The following SNX25 variants were observed in gnomAD, a reference collection of about 807,000 sequenced individuals.
The protein encoded by SNX25 is sorting nexin 25, also known as sorting nexin-25.
Under a neutral mutation model 113.7 loss-of-function variants are expected in SNX25, and 62 were observed. The observed-to-expected ratio is 0.55, with a 90% confidence interval of 0.44 to 0.67. The LOEUF is 0.67. Ranked by LOEUF, SNX25 falls within the 30% of genes least tolerant of loss-of-function variation. The pLI, the probability that SNX25 is intolerant of heterozygous loss-of-function variation, is 0.00. For synonymous variants in SNX25, 421 were observed against 436.2 expected (o/e 0.97, Z 0.43); for missense variants, 1,014 against 1,161.0 (o/e 0.87, Z 1.84).
At chr4:185,219,055 AAGCACTGGAG>A (rs1302089484) in intron 1 of SNX25, among the ~76,000 whole-genome samples, 1 of 152,078 alleles carries the variant, frequency 6.6e-6, no homozygotes, top group Non-Finnish European at 1.5e-5. Context: ...GGTGCTTGCA[AAGCACTGGAG>A]AGAGGTCCCT....
At chr4:185,370,926 T>C (rs2095412616), downstream of SNX25, 2 of 1,172,956 alleles carry the variant, frequency 1.7e-6, no homozygotes, top group African/African-American at 3.0e-5. Context: ...CTCTACTGCT[T>C]TGAGAACTAA....
intron 6 of SNX25, among the ~76,000 whole-genome samples, chr4:185,309,503 A>G (rs1754942802): frequency 6.6e-6 from 1 of 152,132 alleles, no homozygotes; most frequent in Non-Finnish European, 1.5e-5. Flanking sequence ...TCTTCCACAA[A>G]CCTGCTTTTT....
upstream of SNX25, among the ~76,000 whole-genome samples, chr4:185,206,324 TGTGCGCCTCTG>T (rs1737185580): frequency 6.6e-6 from 1 of 152,196 alleles, no homozygotes. Context: ...GCCCATGACT[TGTGCGCCTCTG>T]GTCCACATAA....
chr4:185,258,880 T>C lies in SNX25; in HGVS notation c.547T>C (p.Ser183Pro), dbSNP rs750181607. 1.2e-6 allele frequency: 2 copies of C among 1,613,916 alleles called. No homozygotes were observed. Among genetic ancestry groups the C allele is most frequent in the African/African-American group, 1.3e-5 (1 of 74,936 alleles). The change falls in exon 3 of 19, where the codon TCC becomes CCC. Residue 183 changes from serine (S) to proline (P), a missense_variant. Coordinates refer to ENST00000652585, the MANE Select transcript of SNX25 (RefSeq NM_001378034.2). ...CTACAGTTATAGAGATTACATTCTG[T>C]CCTGGTATGGAAACCTCAGCAGAGA... ...FDYSYRDYIL[S>P]WYGNLSRDEG... is the part of the protein sequence containing the mutation.
chr4:185,282,701 TG>T (rs1281192204), intron 5 of SNX25, among the ~76,000 whole-genome samples: 2 of 152,234 alleles, frequency 1.3e-5, no homozygotes, highest in African/African-American at 4.8e-5. Context: ...TTGCCAGAGT[TG>T]GAAAGCAGCT....
rs1476129931 is a variant in SNX25 at position 185,315,110 on chromosome 4, C to T, written c.1344+4294C>T. On this transcript the variant is annotated intron_variant, in intron 7 of 18. Transcript: ENST00000652585. Reference sequence around the variant, plus strand: ...GGGCGCGGTGGTGGGCGCCTGTAGTCCCAGCTACTCAGGAGGCTGAGGCAG... The same window carrying T: ...GGGCGCGGTGGTGGGCGCCTGTAGTTCCAGCTACTCAGGAGGCTGAGGCAG... Among the ~76,000 whole-genome samples, 8 of 150,866 alleles carry T rather than the reference C, an allele frequency of 5.3e-5. No individual in the cohort carries two copies. In the East Asian group the frequency reaches 8.2e-4, roughly 15 times the overall value.
chr4:185,323,962 A>C (rs912937336), intron 9 of SNX25, among the ~76,000 whole-genome samples, 162 bp downstream of exon 9: 3 of 152,246 alleles, frequency 2.0e-5, no homozygotes, highest in Non-Finnish European at 4.4e-5. Flanking sequence ...ACAAGACCTT[A>C]AATAGAATAA....
chr4:185,312,306 G>A (rs1236899381), intron 7 of SNX25, among the ~76,000 whole-genome samples: 1 of 152,152 alleles, frequency 6.6e-6, no homozygotes, highest in East Asian at 1.9e-4. Flanking sequence ...AAGTGATCCA[G>A]TAGAGATATG....
intron 1 of SNX25, among the ~76,000 whole-genome samples, chr4:185,246,572 G>C (rs967222312): frequency 5.3e-5 from 8 of 151,944 alleles, no homozygotes; most frequent in Admixed American, 2.0e-4. Flanking sequence ...TTTCTTTTGA[G>C]TTATTTTCTT....
intron 15 of SNX25, among the ~76,000 whole-genome samples, chr4:185,353,937 G>C (rs1261423655): frequency 6.6e-6 from 1 of 152,168 alleles, no homozygotes; most frequent in African/African-American, 2.4e-5. Context: ...CCAGCTACTT[G>C]GGAAGCTGAG....
intron 6 of SNX25, among the ~76,000 whole-genome samples, chr4:185,302,107 T>TG (rs1208125903): frequency 6.7e-6 from 1 of 150,178 alleles, no homozygotes; most frequent in South Asian, 2.1e-4. Context: ...TTTGTTTTTT[T>TG]TTTTTTTTAG....
At chr4:185,372,141 G>A (rs2095418287), downstream of SNX25, among the ~76,000 whole-genome samples, 1 of 152,160 alleles carries the variant, frequency 6.6e-6, no homozygotes, top group African/African-American at 2.4e-5. Flanking sequence ...TATTTCAGTG[G>A]TGCAGTTATA....
At chr4:185,237,348 G>A (rs903823264) in intron 1 of SNX25, among the ~76,000 whole-genome samples, 4 of 152,096 alleles carry the variant, frequency 2.6e-5, no homozygotes, top group African/African-American at 9.7e-5. Context: ...AATGCTTTAC[G>A]TCACAGCAAA....
intron 4 of SNX25, 48 bp from the exon 5 acceptor site, chr4:185,266,921 T>G (rs1748178568): frequency 6.4e-7 from 1 of 1,570,884 alleles, no homozygotes; most frequent in Admixed American, 1.9e-5. Flanking sequence ...AACAGTTCCC[T>G]TAAAGAAGAA....
At chr4:185,260,189 T>G (rs574555639) in intron 3 of SNX25, among the ~76,000 whole-genome samples, 1 of 133,310 alleles carries the variant, frequency 7.5e-6, no homozygotes, top group South Asian at 2.4e-4. Context: ...TTTTCTTACT[T>G]AAAAGAAAGT....
rs2095144615 is a variant in SNX25 at position 185,324,775 on chromosome 4, T to G, written c.1749+975T>G. Among the ~76,000 whole-genome samples the G allele has an allele frequency of 1.3e-5, 2 of 152,128 alleles. 1 individual carries two copies. Among genetic ancestry groups the G allele is most frequent in the Non-Finnish European group, 2.9e-5 (2 of 68,016 alleles). On this transcript the variant is annotated intron_variant, in intron 9 of 18. Transcript: ENST00000652585. The stretch of plus-strand genomic sequence containing the variant: ...CGGTGCTTGTCCAGGATGGCGATGC[T>G]CCTGCTCTGTCAATCCAGACCCTTA...
Position 185,332,602 on chromosome 4 carries a change from G to A in SNX25, c.1757G>A (p.Arg586Lys). The A allele has an allele frequency of 1.2e-6, 2 of 1,611,998 alleles. No homozygotes were observed. The highest frequency in any genetic ancestry group is 1.7e-6 in the Non-Finnish European group (2 of 1,178,800). Reference sequence around the variant, plus strand: ...ATGTGACTCTCCCCCTAGGGCCCAAGAGATGAGGCTGGTGAGGAAGCCGTG... The same window carrying A: ...ATGTGACTCTCCCCCTAGGGCCCAAAAGATGAGGCTGGTGAGGAAGCCGTG... ...MISNKDEMGP[R>K]DEAGEEAVDD... is the part of the protein sequence containing the mutation. The change falls in exon 10 of 19, where the codon AGA becomes AAA. Residue 586 changes from arginine to lysine, a missense_variant. Transcript: ENST00000652585.
intron 15 of SNX25, 108 bp from the exon 16 acceptor site, chr4:185,357,563 A>G: frequency 1.1e-6 from 1 of 913,448 alleles, no homozygotes; most frequent in Non-Finnish European, 1.8e-6. Context: ...ACTTGATGGC[A>G]GGACTGAAAT....
intron 1 of SNX25, among the ~76,000 whole-genome samples, chr4:185,216,014 C>T (rs1738754110): frequency 6.6e-6 from 1 of 152,016 alleles, no homozygotes; most frequent in South Asian, 2.1e-4. Context: ...CCAGGCTGGT[C>T]TCAGATTTCT....
Sources: gnomAD v4.1 joint callset for allele counts (sites outside exome capture counted in the v4.1 genomes callset) on GRCh38, gnomAD v4.1.1 for gene constraint, MANE v1.5 for transcripts, NCBI Gene and HGNC (gene_info 2026-07-23, HGNC 2026-07-21) for gene names.